The following KIF26B variants were observed in gnomAD, a reference collection of about 807,000 sequenced individuals.
The protein encoded by KIF26B is kinesin-like protein KIF26B.
Under a neutral mutation model 151.2 loss-of-function variants are expected in KIF26B, and 63 were observed. That is an observed-to-expected ratio of 0.42 (90% CI 0.34 to 0.51). KIF26B has a LOEUF of 0.51. Ranked by LOEUF, KIF26B falls within the 20% of genes least tolerant of loss-of-function variation. The pLI, the probability that KIF26B is intolerant of heterozygous loss-of-function variation, is 0.07. For synonymous variants in KIF26B, 1,357 were observed against 1,262.1 expected, an observed-to-expected ratio of 1.08 and a Z score of -1.59; for missense variants, 2,813 against 2,913.6, an observed-to-expected ratio of 0.97 and a Z score of 0.79.
At chr1:245,461,853 C>A (rs557577469) in intron 4 of KIF26B, among the ~76,000 whole-genome samples, 1 of 152,302 alleles carries the variant, frequency 6.6e-6, no homozygotes, top group African/African-American at 2.4e-5. Context: ...GTGACTCATG[C>A]CAGTAATCCC....
intron 2 of KIF26B, among the ~76,000 whole-genome samples, chr1:245,306,732 C>T (rs1671562466): frequency 6.6e-6 from 1 of 152,132 alleles, no homozygotes; most frequent in African/African-American, 2.4e-5. Context: ...TTTTCTCCTT[C>T]CAGAAAGATA....
At chr1:245,510,128 A>G (rs2103083526) in intron 4 of KIF26B, among the ~76,000 whole-genome samples, 1 of 152,272 alleles carries the variant, frequency 6.6e-6, no homozygotes, top group South Asian at 2.1e-4. Flanking sequence ...TTCCTGAGGC[A>G]GGGAAAAAGA....
In KIF26B at chr1:245,419,972, C is replaced by T. The variant is rs1658439324; in HGVS notation, c.1166+227C>T. ...TGGGCTGCAGCATCCTTGGCCTGTA[C>T]CCCTCGATGTGTGCCCGCAGTACCC... On this transcript the variant is annotated intron_variant, in intron 4 of 14. Transcript: ENST00000407071. 4.6e-5 allele frequency among the ~76,000 whole-genome samples: 7 copies of T among 152,250 alleles called. No homozygotes were observed. The South Asian group carries it at 1.5e-3, about 32-fold the overall frequency.
intron 10 of KIF26B, among the ~76,000 whole-genome samples, chr1:245,676,828 C>T (rs2044362263): frequency 6.6e-6 from 1 of 152,202 alleles, no homozygotes; most frequent in Non-Finnish European, 1.5e-5. Flanking sequence ...ACGTCTCCTC[C>T]TGGAAACAAC....
intron 5 of KIF26B, among the ~76,000 whole-genome samples, chr1:245,593,310 A>C (rs949336050): frequency 6.6e-6 from 1 of 151,990 alleles, no homozygotes; most frequent in Non-Finnish European, 1.5e-5. Context: ...TCCTAATGCT[A>C]TCCCTCCCCT....
intron 2 of KIF26B, among the ~76,000 whole-genome samples, chr1:245,349,559 CAAAA>C (rs58254627): frequency 0.082 from 6,239 of 75,848 alleles, 364 homozygotes; most frequent in African/African-American, 0.18. Context: ...AAATAAACTT[CAAAA>C]AAAAAAAAAA....
At chr1:245,662,770 C>A (rs2044170061) in intron 10 of KIF26B, among the ~76,000 whole-genome samples, 1 of 73,010 alleles carries the variant, frequency 1.4e-5, no homozygotes, top group Admixed American at 1.5e-4. Context: ...CACACACACA[C>A]ACACATGCAT....
At chr1:245,335,537 G>A (rs564782810) in intron 2 of KIF26B, among the ~76,000 whole-genome samples, 11 of 152,324 alleles carry the variant, frequency 7.2e-5, no homozygotes, top group African/African-American at 1.7e-4. Flanking sequence ...GCCCATCAAC[G>A]CCTGCAGGGA....
At chr1:245,641,913 T>C (rs1378911700) in intron 9 of KIF26B, among the ~76,000 whole-genome samples, 1 of 152,258 alleles carries the variant, frequency 6.6e-6, no homozygotes, top group East Asian at 1.9e-4. Flanking sequence ...TTAAATATTT[T>C]AGTCTTCCTA....
At chr1:245,545,073 G>GC (rs962542127) in intron 5 of KIF26B, among the ~76,000 whole-genome samples, 2 of 151,468 alleles carry the variant, frequency 1.3e-5, no homozygotes, top group African/African-American at 4.9e-5. Flanking sequence ...AGGATCCTCT[G>GC]CCCCTAGAGC....
intron 4 of KIF26B, among the ~76,000 whole-genome samples, chr1:245,437,575 G>A (rs1047787750): frequency 6.6e-6 from 1 of 152,096 alleles, no homozygotes; most frequent in African/African-American, 2.4e-5. Context: ...GATTTATGGA[G>A]CCTAGATCAT....
intron 9 of KIF26B, among the ~76,000 whole-genome samples, chr1:245,612,974 C>G (rs982582864): frequency 1.3e-5 from 2 of 152,100 alleles, no homozygotes; most frequent in African/African-American, 4.8e-5. Context: ...AGTTGAGCAC[C>G]AGATCAGCTG....
At chr1:245,335,052 C>T (rs1167875007) in intron 2 of KIF26B, among the ~76,000 whole-genome samples, 2 of 152,158 alleles carry the variant, frequency 1.3e-5, no homozygotes, top group East Asian at 3.9e-4. Flanking sequence ...AAGCATGAGG[C>T]AGCTAAAACC....
At chr1:245,271,107 C>T (rs1281176572) in intron 2 of KIF26B, among the ~76,000 whole-genome samples, 2 of 152,128 alleles carry the variant, frequency 1.3e-5, no homozygotes, top group African/African-American at 4.8e-5. Context: ...CTCCACTGGT[C>T]TGTGTGTCTG....
intron 3 of KIF26B, among the ~76,000 whole-genome samples, chr1:245,403,065 C>T (rs1674045320): frequency 6.6e-6 from 1 of 152,164 alleles, no homozygotes; most frequent in Non-Finnish European, 1.5e-5. Flanking sequence ...AACTCCTGGG[C>T]TCAAATGATC....
chr1:245,645,999 G>A lies in KIF26B; in HGVS notation c.2099-122G>A, dbSNP rs1361438162. 5 of 1,047,786 alleles carry A rather than the reference G, an allele frequency of 4.8e-6. No individual in the cohort carries two copies. The Admixed American group carries it at 1.1e-4, about 22-fold the overall frequency. 64.9% of individuals were successfully genotyped at this position (1,047,786 alleles called of 1,614,324 possible). A position where few individuals can be genotyped will look rare whatever the true frequency, so the allele number is the denominator to read the frequency against. Reference sequence around the variant, plus strand: ...TTTCTGGGGTTTCCTAGTAGGTCATGAACGTCAACCTTTTACTTCCCCTTC... The same window carrying A: ...TTTCTGGGGTTTCCTAGTAGGTCATAAACGTCAACCTTTTACTTCCCCTTC... On this transcript the variant is annotated intron_variant, in intron 9 of 14. Coordinates refer to ENST00000407071, the MANE Select transcript of KIF26B (RefSeq NM_018012.4).
At chr1:245,630,811 T>G (rs74610274) in intron 9 of KIF26B, among the ~76,000 whole-genome samples, 4,375 of 152,260 alleles carry the variant, frequency 0.029, 209 homozygotes, top group African/African-American at 0.099. Context: ...TTTTCATTTT[T>G]TTCTATGTTC....
intron 4 of KIF26B, among the ~76,000 whole-genome samples, chr1:245,484,274 A>G (rs747384274): frequency 7.9e-5 from 12 of 151,902 alleles, no homozygotes; most frequent in Non-Finnish European, 1.2e-4. Context: ...AGGAAGTGCT[A>G]ATGAAATGTC....
At chr1:245,186,211 T>C (rs757484387) in intron 2 of KIF26B, among the ~76,000 whole-genome samples, 8 of 151,672 alleles carry the variant, frequency 5.3e-5, no homozygotes, top group Non-Finnish European at 8.8e-5. Context: ...CCACGTGCGC[T>C]AATTTTCCAA....
Sources: allele counts gnomAD v4.1 joint callset (sites outside exome capture counted in the v4.1 genomes callset), GRCh38; gene constraint gnomAD v4.1.1; transcripts MANE v1.5; gene names NCBI Gene and HGNC (gene_info 2026-07-23, HGNC 2026-07-21).